The following NRXN3 variants were observed in gnomAD, a reference collection of about 807,000 sequenced individuals.
The protein encoded by NRXN3 is neurexin 3.
In NRXN3, 32 loss-of-function variants were observed where a neutral mutation model predicts 137.6. The observed-to-expected ratio is 0.23, with a 90% CI of 0.18 to 0.31. The LOEUF (loss-of-function observed/expected upper bound fraction) is 0.31. Ranked by LOEUF, NRXN3 falls within the 10% of genes least tolerant of loss-of-function variation. NRXN3 has a pLI of 1.00. For missense variants in NRXN3, 1,574 were observed against 2,062.5 expected (o/e 0.76, Z 4.59); for synonymous variants, 798 against 784.5 (o/e 1.02, Z -0.29).
chr14:78,939,136 C>T (rs1157883860), intron 10 of NRXN3, among the ~76,000 whole-genome samples: 2 of 151,938 alleles, frequency 1.3e-5, no homozygotes, highest in African/African-American at 4.8e-5. Context: ...TGAGCCACCG[C>T]GCCCGGCCCA....
intron 10 of NRXN3, among the ~76,000 whole-genome samples, chr14:78,884,189 T>C (rs2099136752): frequency 6.6e-6 from 1 of 152,218 alleles, no homozygotes; most frequent in South Asian, 2.1e-4. Context: ...CTGTGTTATA[T>C]GTCACCAGTG....
At chr14:79,395,657 A>C (rs1201864937) in intron 15 of NRXN3, among the ~76,000 whole-genome samples, 1 of 151,910 alleles carries the variant, frequency 6.6e-6, no homozygotes, top group East Asian at 1.9e-4. Context: ...AAATACAAAA[A>C]AATTAGCCAG....
intron 16 of NRXN3, among the ~76,000 whole-genome samples, chr14:79,478,241 TAAAG>T (rs959241926): frequency 3.3e-5 from 5 of 149,854 alleles, no homozygotes; most frequent in Admixed American, 6.7e-5. Context: ...ATATACAAGA[TAAAG>T]GAGGAAAGGA....
chr14:79,257,401 T>G (rs1597923416), intron 15 of NRXN3, among the ~76,000 whole-genome samples: 1 of 113,882 alleles, frequency 8.8e-6, no homozygotes. Flanking sequence ...GTGGTGGTGG[T>G]GGTGGTGGTG....
rs1017738140 is a variant in NRXN3, at chr14:79,767,885, A to C, written c.4015-37227A>C. Among the ~76,000 whole-genome samples the C allele has an allele frequency of 5.3e-5, 8 of 152,278 alleles. 1 individual carries two copies. The highest frequency in any genetic ancestry group is 1.2e-4 in the African/African-American group (5 of 41,564). ...CCGAGTTCATCTCACTAGGGAGTGCAAGACAGTGGGCGCAGGTCACTGGGT... is the reference window on the plus strand; with the variant it reads ...CCGAGTTCATCTCACTAGGGAGTGCCAGACAGTGGGCGCAGGTCACTGGGT... On this transcript the variant is annotated intron_variant, in intron 19 of 20. Coordinates refer to ENST00000335750, the MANE Select transcript of NRXN3 (RefSeq NM_001330195.2).
At chr14:79,109,966 G>A (rs2053180482) in intron 15 of NRXN3, among the ~76,000 whole-genome samples, 1 of 151,716 alleles carries the variant, frequency 6.6e-6, no homozygotes, top group South Asian at 2.1e-4. Flanking sequence ...CAACTTAAAA[G>A]TTAAAAAAAT....
chr14:79,731,807 G>T (rs925557338), intron 19 of NRXN3, among the ~76,000 whole-genome samples: 6 of 151,120 alleles, frequency 4.0e-5, no homozygotes, highest in Admixed American at 3.9e-4. Flanking sequence ...TTTTAAATTA[G>T]AATTTTTTAT....
intron 16 of NRXN3, among the ~76,000 whole-genome samples, chr14:79,499,982 T>TGTGA (rs1281311319): frequency 3.6e-4 from 55 of 151,838 alleles, no homozygotes; most frequent in African/African-American, 1.3e-3. Flanking sequence ...TGTGTGTGTG[T>TGTGA]GTGTGTGTGT....
chr14:79,686,808 G>A (rs1307227888), intron 17 of NRXN3, among the ~76,000 whole-genome samples: 1 of 152,142 alleles, frequency 6.6e-6, no homozygotes, highest in East Asian at 1.9e-4. Context: ...CTTTAATTTA[G>A]GAAGGAAATG....
intron 15 of NRXN3, among the ~76,000 whole-genome samples, chr14:79,168,363 T>C (rs1198137764): frequency 2.0e-5 from 3 of 152,092 alleles, no homozygotes. Flanking sequence ...TATTCACATA[T>C]TAGATCTCAA....
At chr14:78,583,705 G>C (rs1198304920) in intron 4 of NRXN3, among the ~76,000 whole-genome samples, 1 of 152,158 alleles carries the variant, frequency 6.6e-6, no homozygotes, top group African/African-American at 2.4e-5. Context: ...TGGAAAGCTT[G>C]CTGGACTATG....
At chr14:79,796,514 C>A (rs1448190758) in intron 19 of NRXN3, among the ~76,000 whole-genome samples, 3 of 151,994 alleles carry the variant, frequency 2.0e-5, no homozygotes, top group East Asian at 3.9e-4. Context: ...GAAGAAAAAT[C>A]TTAAAAGTGG....
intron 16 of NRXN3, among the ~76,000 whole-genome samples, chr14:79,514,007 A>G (rs1236691637): frequency 2.0e-5 from 3 of 152,218 alleles, no homozygotes; most frequent in Non-Finnish European, 4.4e-5. Flanking sequence ...AATACATAAA[A>G]TACAGAGAAA....
chr14:78,806,903 TAAATC>T (rs1596044102), intron 9 of NRXN3, among the ~76,000 whole-genome samples: 1 of 152,234 alleles, frequency 6.6e-6, no homozygotes, highest in Non-Finnish European at 1.5e-5. Context: ...TTTTGTGAGA[TAAATC>T]AAGCAAGTGT....
At chr14:79,169,751 T>C (rs2036009294) in intron 15 of NRXN3, among the ~76,000 whole-genome samples, 1 of 152,154 alleles carries the variant, frequency 6.6e-6, no homozygotes, top group African/African-American at 2.4e-5. Context: ...TAGGGCTTTT[T>C]CTAACAATTA....
chr14:78,986,196 TTA>T (rs1325521346), intron 14 of NRXN3, among the ~76,000 whole-genome samples: 1 of 152,184 alleles, frequency 6.6e-6, no homozygotes, highest in African/African-American at 2.4e-5. Flanking sequence ...AAATATGCTG[TTA>T]TTGCAATGGT....
intron 10 of NRXN3, among the ~76,000 whole-genome samples, chr14:78,854,570 A>G (rs905289514): frequency 1.3e-5 from 2 of 152,054 alleles, no homozygotes; most frequent in African/African-American, 4.8e-5. Context: ...TGTTATAGTT[A>G]TTTGCTTGCT....
chr14:79,217,797 G>A lies in NRXN3; in HGVS notation c.3262+229656G>A, dbSNP rs541286277. Among the ~76,000 whole-genome samples the A allele has an allele frequency of 2.4e-3, 364 of 152,296 alleles. 3 individuals are homozygous for A. Among genetic ancestry groups the A allele is most frequent in the Non-Finnish European group, 4.2e-3 (289 of 68,030 alleles). On this transcript the variant is annotated intron_variant, in intron 15 of 20. Transcript: ENST00000335750. ...ATCAATATTTAAAAGTTCCCTAGGTGATTGTAATGTGCAGCCAATCTTGAG... is the reference window on the plus strand; with the variant it reads ...ATCAATATTTAAAAGTTCCCTAGGTAATTGTAATGTGCAGCCAATCTTGAG...
intron 19 of NRXN3, among the ~76,000 whole-genome samples, chr14:79,709,983 C>G (rs2098796881): frequency 6.6e-6 from 1 of 152,000 alleles, no homozygotes; most frequent in Admixed American, 6.6e-5. Context: ...GAGAAATGAA[C>G]AAGGACAAAG....
Sources: allele counts gnomAD v4.1 joint callset (sites outside exome capture counted in the v4.1 genomes callset), GRCh38; gene constraint gnomAD v4.1.1; transcripts MANE v1.5; gene names NCBI Gene and HGNC (gene_info 2026-07-23, HGNC 2026-07-21).